The following DMD variants were observed in gnomAD, a reference collection of about 807,000 sequenced individuals.
DMD encodes the protein dystrophin.
In DMD, 63 loss-of-function variants were observed where a neutral mutation model predicts 330.1. That is an observed-to-expected ratio of 0.19 (90% CI 0.16 to 0.24). DMD has a LOEUF of 0.24. DMD is among the 10% of genes least tolerant of loss of function. The pLI is 1.00. For synonymous variants in DMD, 1,223 were observed against 959.8 expected, an observed-to-expected ratio of 1.27 and a Z score of -5.07; for missense variants, 3,344 against 2,684.1, an observed-to-expected ratio of 1.25 and a Z score of -5.43.
chrX:33,024,582 T>C (rs200184580), intron 1 of DMD, among the ~76,000 whole-genome samples: 1 of 112,272 alleles, frequency 8.9e-6, no homozygotes, highest in Non-Finnish European at 1.9e-5. Context: ...AATAAAGTTA[T>C]TTTTATTCAG....
chrX:32,261,060 G>A (rs1455892243), intron 43 of DMD, among the ~76,000 whole-genome samples: 1 of 111,752 alleles, frequency 8.9e-6, no homozygotes, highest in African/African-American at 3.3e-5. Context: ...AGAAAGTATA[G>A]CAATAAGTGC....
chrX:33,311,699 A>G (rs2053851515), intron 1 of DMD, among the ~76,000 whole-genome samples: 1 of 110,266 alleles, frequency 9.1e-6, no homozygotes, highest in Non-Finnish European at 1.9e-5. Context: ...TATCAATGCC[A>G]TTAGTTACTG....
intron 30 of DMD, among the ~76,000 whole-genome samples, chrX:32,392,550 G>A (rs981468392): frequency 9.0e-6 from 1 of 111,426 alleles, no homozygotes; most frequent in African/African-American, 3.3e-5. Flanking sequence ...GTGAGCCACC[G>A]TGCCCAGCCC....
At chrX:31,334,211 G>A (rs1859546061) in intron 61 of DMD, among the ~76,000 whole-genome samples, 1 of 112,549 alleles carries the variant, frequency 8.9e-6, no homozygotes, top group Admixed American at 9.4e-5. Context: ...TGGGATCACA[G>A]GCGTGAGCCA....
intron 29 of DMD, chrX:32,412,186 A>G: frequency 9.2e-7 from 1 of 1,089,070 alleles, no homozygotes. Flanking sequence ...CTGGAAAAAA[A>G]ATTAGCAAAA....
intron 12 of DMD, among the ~76,000 whole-genome samples, chrX:32,596,158 C>A (rs747675267): frequency 1.8e-5 from 2 of 110,733 alleles, no homozygotes; most frequent in Non-Finnish European, 3.8e-5. Flanking sequence ...CTTTCAAGGA[C>A]TTTTTTCCTA....
chrX:32,918,155 T>TG (rs1199228492), intron 2 of DMD, among the ~76,000 whole-genome samples: 1 of 111,016 alleles, frequency 9.0e-6, no homozygotes, highest in Non-Finnish European at 1.9e-5. Flanking sequence ...AAAATATATG[T>TG]GACTGTAGGA....
At chrX:32,402,376 CAT>C (rs1002799595) in intron 30 of DMD, among the ~76,000 whole-genome samples, 1 of 111,242 alleles carries the variant, frequency 9.0e-6, no homozygotes, top group African/African-American at 3.3e-5. Flanking sequence ...TCATTTTAAA[CAT>C]ATAGTCAATG....
chrX:32,170,941 G>A (rs750584866), intron 44 of DMD, among the ~76,000 whole-genome samples: 7 of 110,966 alleles, frequency 6.3e-5, no homozygotes, highest in Non-Finnish European at 9.4e-5. Flanking sequence ...CCTTTCAAGC[G>A]CATATTTATA....
intron 7 of DMD, among the ~76,000 whole-genome samples, chrX:32,768,233 A>G (rs1439221760): frequency 8.9e-6 from 1 of 112,437 alleles, no homozygotes; most frequent in Non-Finnish European, 1.9e-5. Flanking sequence ...AACTTATTTA[A>G]TAACAAGACT....
chrX:32,721,289 T>G (rs2066283001), intron 7 of DMD, among the ~76,000 whole-genome samples: 1 of 110,769 alleles, frequency 9.0e-6, no homozygotes, highest in African/African-American at 3.3e-5. Context: ...CCCAGACAAT[T>G]TTCCATAATG....
At position 31,120,592 on chromosome X, in the gene DMD, G is replaced by A. The variant is rs1379998211; in HGVS notation, c.*1327C>T. On this transcript the variant is annotated 3_prime_UTR_variant, in exon 79 of 79. Coordinates refer to ENST00000357033, the MANE Select transcript of DMD (RefSeq NM_004006.3). Reference sequence around the variant, plus strand: ...AAAACCAAACCACCCAGTTCCTTTTGACTGTGAGAAGAGGGCATAATAATT... The same window carrying A: ...AAAACCAAACCACCCAGTTCCTTTTAACTGTGAGAAGAGGGCATAATAATT... 2 of 112,005 alleles carry A rather than the reference G, an allele frequency of 1.8e-5. No individual in the cohort carries two copies. Among genetic ancestry groups the A allele is most frequent in the Admixed American group, 9.5e-5 (1 of 10,531 alleles). The allele number at this position is 112,005 out of a possible 1,213,427, so 9.2% of individuals were successfully genotyped here. A position where few individuals can be genotyped will look rare whatever the true frequency, so the allele number is the denominator to read the frequency against.
intron 26 of DMD, among the ~76,000 whole-genome samples, chrX:32,452,614 T>C (rs1358091513): frequency 9.0e-6 from 1 of 110,816 alleles, no homozygotes; most frequent in East Asian, 2.9e-4. Flanking sequence ...TTGACCTATC[T>C]GGGAATTGCA....
chrX:33,036,364 T>C (rs1024558822), intron 1 of DMD, among the ~76,000 whole-genome samples: 1 of 111,712 alleles, frequency 9.0e-6, no homozygotes, highest in East Asian at 2.8e-4. Context: ...TCATTTAAAA[T>C]AACAGGTTTT....
intron 44 of DMD, among the ~76,000 whole-genome samples, chrX:32,177,628 ATCTCTC>A (rs774578450): frequency 2.9e-5 from 3 of 104,719 alleles, no homozygotes; most frequent in Non-Finnish European, 3.9e-5. Context: ...CTCTCTCTCA[ATCTCTC>A]TCTCTCTCTC....
At chrX:31,921,067 T>C (rs2094683711) in intron 47 of DMD, among the ~76,000 whole-genome samples, 2 of 111,821 alleles carry the variant, frequency 1.8e-5, no homozygotes, top group Non-Finnish European at 3.8e-5. Context: ...TGCTTTTCCT[T>C]TACTTTGCCA....
intron 55 of DMD, among the ~76,000 whole-genome samples, chrX:31,600,016 G>A (rs777815405): frequency 5.4e-5 from 6 of 110,944 alleles, no homozygotes; most frequent in Non-Finnish European, 7.6e-5. Flanking sequence ...CTGCAGCCTC[G>A]ACTTCCTGGG....
chrX:32,924,791 C>A (rs2146612465), intron 2 of DMD, among the ~76,000 whole-genome samples: 1 of 111,320 alleles, frequency 9.0e-6, no homozygotes, highest in African/African-American at 3.3e-5. Context: ...TGGAAATTGG[C>A]TGGGACATGA....
chrX:33,287,071 A>G (rs948251806), intron 1 of DMD, among the ~76,000 whole-genome samples: 4 of 111,599 alleles, frequency 3.6e-5, no homozygotes, highest in Non-Finnish European at 5.6e-5. Context: ...CAAACAATAA[A>G]TATCTGTTGT....
Sources: allele counts gnomAD v4.1 joint callset (sites outside exome capture counted in the v4.1 genomes callset), GRCh38; gene constraint gnomAD v4.1.1; transcripts MANE v1.5; gene names NCBI Gene and HGNC (gene_info 2026-07-23, HGNC 2026-07-21).